Variants in NOL4L observed in about 807,000 individuals in gnomAD.
NOL4L encodes the protein nucleolar protein 4-like.
A neutral mutation model predicts 64.5 loss-of-function variants in NOL4L; 7 were observed. The ratio of observed to expected loss-of-function variants is 0.11; its 90% CI spans 0.06 to 0.20. NOL4L has a LOEUF of 0.20. NOL4L is among the 10% of genes least tolerant of loss of function. The pLI is 1.00. For missense variants in NOL4L, 680 were observed against 967.1 expected (o/e 0.70, Z 3.94); for synonymous variants, 413 against 401.0 (o/e 1.03, Z -0.36).
chr20:32,542,046 TG>T (rs1202346083), intron 1 of NOL4L, among the ~76,000 whole-genome samples: 3 of 151,898 alleles, frequency 2.0e-5, no homozygotes, highest in Admixed American at 6.6e-5. Flanking sequence ...AGGCGGGTGG[TG>T]GGGGGCGCTA....
At chr20:32,548,118 C>T (rs528536622) in intron 1 of NOL4L, among the ~76,000 whole-genome samples, 55 of 152,292 alleles carry the variant, frequency 3.6e-4, no homozygotes, top group African/African-American at 1.2e-3. Context: ...TTGTCAATAC[C>T]GTTTTACAGA....
At chr20:32,483,450 G>A in intron 4 of NOL4L, 1 of 991,866 alleles carries the variant, frequency 1.0e-6, no homozygotes. Context: ...TCCAGCTGCT[G>A]CTGCTGCTGC....
At chr20:32,527,362 C>T (rs920946254) in intron 2 of NOL4L, among the ~76,000 whole-genome samples, 2 of 152,160 alleles carry the variant, frequency 1.3e-5, no homozygotes, top group African/African-American at 4.8e-5. Context: ...GCAGTAAATG[C>T]CATGCCATGA....
intron 1 of NOL4L, among the ~76,000 whole-genome samples, chr20:32,583,321 C>G (rs1980615815): frequency 6.7e-6 from 1 of 149,354 alleles, no homozygotes; most frequent in Non-Finnish European, 1.5e-5. Context: ...CCGGCCCGGG[C>G]GGCCGCGGAG....
chr20:32,582,768 C>A (rs955576378), intron 1 of NOL4L, among the ~76,000 whole-genome samples: 3 of 152,206 alleles, frequency 2.0e-5, no homozygotes, highest in Admixed American at 6.5e-5. Flanking sequence ...CAAGACCCAG[C>A]CAACCATCTC....
At chr20:32,555,246 C>A (rs973428551) in intron 1 of NOL4L, among the ~76,000 whole-genome samples, 1 of 152,146 alleles carries the variant, frequency 6.6e-6, no homozygotes, top group African/African-American at 2.4e-5. Context: ...GTGCCCCCTC[C>A]AATTCATATG....
intron 4 of NOL4L, among the ~76,000 whole-genome samples, chr20:32,498,822 T>C (rs1480389937): frequency 6.6e-6 from 1 of 150,990 alleles, no homozygotes; most frequent in Non-Finnish European, 1.5e-5. Flanking sequence ...GCCCAGAAGT[T>C]CAAGATCAGC....
At chr20:32,578,144 G>A (rs1168298726) in intron 1 of NOL4L, among the ~76,000 whole-genome samples, 4 of 113,654 alleles carry the variant, frequency 3.5e-5, no homozygotes, top group African/African-American at 1.7e-4. Context: ...AGGAAGGAGG[G>A]AGGGAGGGAG....
chr20:32,510,178 A>G (rs2017332718), intron 4 of NOL4L: 1 of 366,028 alleles, frequency 2.7e-6, no homozygotes, highest in African/African-American at 2.1e-5. Flanking sequence ...ACCATCCCAG[A>G]ACAGGCACGC....
intron 9 of NOL4L, 147 bp from the exon 10 acceptor site, chr20:32,452,584 C>T (rs1600630019): frequency 1.2e-6 from 1 of 846,260 alleles, no homozygotes; most frequent in African/African-American, 1.7e-5. Context: ...TGTCTGTCCC[C>T]TCCCCCAGCC....
At chr20:32,522,704 C>T (rs924775534) in intron 2 of NOL4L, among the ~76,000 whole-genome samples, 1 of 152,218 alleles carries the variant, frequency 6.6e-6, no homozygotes, top group African/African-American at 2.4e-5. Context: ...AGGGTGGCAG[C>T]TGCAGGAGCA....
intron 1 of NOL4L, among the ~76,000 whole-genome samples, chr20:32,532,871 G>A (rs1474306814): frequency 6.6e-6 from 1 of 152,150 alleles, no homozygotes; most frequent in Admixed American, 6.5e-5. Flanking sequence ...CAACCTCTGG[G>A]GCCTTCCTGC....
rs943421865 is a variant in NOL4L, at chr20:32,446,022, G to A, written c.*1574C>T. 3 of 152,202 alleles carry A rather than the reference G, an allele frequency of 2.0e-5. No homozygotes were observed. Among genetic ancestry groups the A allele is most frequent in the Admixed American group, 6.5e-5 (1 of 15,278 alleles). The allele number at this position is 152,202 out of a possible 1,614,324, so 9.4% of individuals were successfully genotyped here. On this transcript the variant is annotated 3_prime_UTR_variant, in exon 11 of 11. Transcript: ENST00000621426. ...TCCGTGGCCATCCTAGGATCCACTC[G>A]GCCCTGGCTCCCCTGGGGCCTCTCT... is the stretch of plus-strand genomic sequence containing the variant.
intron 4 of NOL4L, among the ~76,000 whole-genome samples, chr20:32,511,012 C>T (rs1005842884): frequency 5.3e-5 from 8 of 152,032 alleles, no homozygotes; most frequent in Non-Finnish European, 1.0e-4. Flanking sequence ...AAGAGGCCAG[C>T]GATAAAGGGC....
At chr20:32,518,360 G>T (rs1345329530) in intron 3 of NOL4L, among the ~76,000 whole-genome samples, 1 of 152,236 alleles carries the variant, frequency 6.6e-6, no homozygotes, top group Non-Finnish European at 1.5e-5. Flanking sequence ...CTCCTCCCTG[G>T]GGGTGGGGTG....
intron 1 of NOL4L, among the ~76,000 whole-genome samples, chr20:32,558,725 C>T (rs552093307): frequency 3.3e-5 from 5 of 152,300 alleles, no homozygotes; most frequent in Admixed American, 6.5e-5. Flanking sequence ...TGGGCCTGGC[C>T]GGGCCTTGCA....
At chr20:32,488,823 TTCTTTTTCTTTCTTTC>T (rs1568648714) in intron 4 of NOL4L, among the ~76,000 whole-genome samples, 50 of 17,568 alleles carry the variant, frequency 2.8e-3, no homozygotes, top group Middle Eastern at 0.029. Flanking sequence ...CTTTCTTTCT[TTCTTTTTCTTTCTTTC>T]TTTCTTTCTT....
intron 1 of NOL4L, among the ~76,000 whole-genome samples, chr20:32,557,277 T>C (rs774088472): frequency 6.6e-6 from 1 of 152,228 alleles, no homozygotes. Context: ...GTCCCATTGA[T>C]TTGAGTCCCA....
intron 1 of NOL4L, among the ~76,000 whole-genome samples, chr20:32,550,060 A>T (rs2018779264): frequency 1.3e-5 from 2 of 152,240 alleles, no homozygotes; most frequent in South Asian, 4.1e-4. Context: ...TGTCCATTCA[A>T]TGGAATATTA....
Sources: gnomAD v4.1 joint callset for allele counts (sites outside exome capture counted in the v4.1 genomes callset) on GRCh38, gnomAD v4.1.1 for gene constraint, MANE v1.5 for transcripts, NCBI Gene and HGNC (gene_info 2026-07-23, HGNC 2026-07-21) for gene names.